The following NUP107 variants were observed in gnomAD, a reference collection of about 807,000 sequenced individuals.
NUP107 encodes nuclear pore complex protein Nup107.
In NUP107, 101 loss-of-function variants were observed where a neutral mutation model predicts 141.0. The observed-to-expected ratio is 0.72, with a 90% CI of 0.61 to 0.84. The LOEUF (loss-of-function observed/expected upper bound fraction) is 0.84, where lower values mean the gene tolerates loss of function less well. Ranked by LOEUF, NUP107 falls within the 40% of genes least tolerant of loss-of-function variation. The probability of loss-of-function intolerance (pLI) is 0.00; values close to 1 mark genes in which losing one functional copy is unlikely to be tolerated. For missense variants in NUP107, 941 were observed against 1,102.7 expected, an observed-to-expected ratio of 0.85 and a Z score of 2.08; for synonymous variants, 319 against 363.9, an observed-to-expected ratio of 0.88 and a Z score of 1.41.
chr12:68,700,671 C>A, intron 6 of NUP107, 55 bp from the exon 7 acceptor site: 5 of 1,303,642 alleles, frequency 3.8e-6, no homozygotes, highest in South Asian at 1.7e-5. Flanking sequence ...ACAAACTTAT[C>A]AGTGACTCAA....
chr12:68,731,420 T>C (rs1877822348), intron 21 of NUP107, among the ~76,000 whole-genome samples, 160 bp downstream of exon 21: 1 of 152,248 alleles, frequency 6.6e-6, no homozygotes, highest in Non-Finnish European at 1.5e-5. Context: ...AAGTTACTTA[T>C]GCTGTAACTC....
intron 23 of NUP107, 100 bp downstream of exon 23, chr12:68,732,839 C>A (rs1352046682): frequency 2.8e-6 from 2 of 701,910 alleles, no homozygotes; most frequent in Non-Finnish European, 4.5e-6. Context: ...ACCACCACAC[C>A]CACCTAATTT....
chr12:68,726,739 C>T (rs1464703427), intron 19 of NUP107, 122 bp downstream of exon 19: 1 of 704,982 alleles, frequency 1.4e-6, no homozygotes, highest in Non-Finnish European at 2.4e-6. Context: ...CAAAAGTCTT[C>T]CATATAGTCT....
intron 11 of NUP107, among the ~76,000 whole-genome samples, chr12:68,715,044 G>A (rs566960762): frequency 2.6e-5 from 4 of 152,312 alleles, no homozygotes; most frequent in African/African-American, 9.6e-5. Flanking sequence ...ACCTGGGCTG[G>A]GATAGGCTAG....
Position 68,738,909 on chromosome 12 carries a change from C to T in NUP107, c.2503-2904C>T, listed in dbSNP as rs116740364. ...AACTTTCTGATGCCTTCTTATTGCA[C>T]TTGGAATAAAATCTTTCTTTTCTTG... On this transcript the variant is annotated intron_variant, in intron 26 of 27. Transcript: ENST00000229179. Among the ~76,000 whole-genome samples, 608 of 152,240 alleles carry T rather than the reference C, an allele frequency of 4.0e-3. 3 individuals are homozygous for T. The highest frequency in any genetic ancestry group is 0.014 in the African/African-American group (574 of 41,522).
In NUP107 at chr12:68,719,661, T is replaced by C; in HGVS notation, c.1251+7T>C. On this transcript the variant is annotated splice_region_variant and intron_variant, in intron 14 of 27. Transcript: ENST00000229179. Reference sequence around the variant, plus strand: ...CTGGAGAATGGCAGAAGATGTAAGATAAATAAAATATTCAGTGATACTGTT... The same window carrying C: ...CTGGAGAATGGCAGAAGATGTAAGACAAATAAAATATTCAGTGATACTGTT... 2 of 1,578,792 alleles carry C rather than the reference T, an allele frequency of 1.3e-6. No individual in the cohort carries two copies. Among genetic ancestry groups the C allele is most frequent in the South Asian group, 2.2e-5 (2 of 90,268 alleles).
intron 12 of NUP107, among the ~76,000 whole-genome samples, chr12:68,718,820 G>A (rs534819700): frequency 3.3e-5 from 5 of 152,086 alleles, no homozygotes; most frequent in African/African-American, 9.6e-5. Flanking sequence ...AGAAAGGCAT[G>A]CATATGTTTT....
intron 20 of NUP107, among the ~76,000 whole-genome samples, chr12:68,729,317 G>T (rs60258904): frequency 6.6e-6 from 1 of 152,160 alleles, no homozygotes; most frequent in Admixed American, 6.5e-5. Flanking sequence ...GTCTGTAAAT[G>T]TGTGTACGTT....
intron 11 of NUP107, 102 bp from the exon 12 acceptor site, chr12:68,715,525 G>C: frequency 1.4e-6 from 1 of 699,962 alleles, no homozygotes; most frequent in Non-Finnish European, 2.5e-6. Context: ...GAATTTATTT[G>C]TGTATAAACT....
At chr12:68,700,287 C>T (rs1241031945) in intron 6 of NUP107, among the ~76,000 whole-genome samples, 1 of 152,134 alleles carries the variant, frequency 6.6e-6, no homozygotes, top group Non-Finnish European at 1.5e-5. Flanking sequence ...TTTTTGGTGC[C>T]AATCTTAGGA....
At chr12:68,726,368 A>G (rs1046779229) in intron 18 of NUP107, 131 bp from the exon 19 acceptor site, 5 of 631,144 alleles carry the variant, frequency 7.9e-6, no homozygotes, top group African/African-American at 7.4e-5. Context: ...GTGTAGAGTT[A>G]TATCATGGCT....
chr12:68,720,064 A>G (rs1877291329), intron 14 of NUP107, among the ~76,000 whole-genome samples: 1 of 152,212 alleles, frequency 6.6e-6, no homozygotes, highest in Non-Finnish European at 1.5e-5. Flanking sequence ...TAGAATGCTT[A>G]TAAAGGAAAT....
chr12:68,727,509 T>G, intron 20 of NUP107, 120 bp downstream of exon 20: 1 of 582,760 alleles, frequency 1.7e-6, no homozygotes, highest in Non-Finnish European at 3.1e-6. Context: ...AGAGATCTTT[T>G]AATTATCAGC....
intron 22 of NUP107, 22 bp downstream of exon 22, chr12:68,731,741 G>C (rs1490553241): frequency 7.9e-7 from 1 of 1,258,540 alleles, no homozygotes; most frequent in South Asian, 1.4e-5. Context: ...TGGGGGGGCA[G>C]AGGTTTCTAT....
chr12:68,696,799 T>TTC lies in NUP107; in HGVS notation c.449-19_449-18insCT. Reference sequence around the variant, plus strand: ...ACTTAACTTTTCTTTATTCCTTTTTTTTTTTTTGATGTGTTCTAGCATCCA... The same window carrying TTC: ...ACTTAACTTTTCTTTATTCCTTTTTTTCTTTTTTTGATGTGTTCTAGCATCCA... On this transcript the variant is annotated intron_variant, in intron 5 of 27. Transcript: ENST00000229179. 7.3e-7 allele frequency: 1 copy of TTC among 1,369,076 alleles called. No individual in the cohort carries two copies. The highest frequency in any genetic ancestry group is 1.0e-6 in the Non-Finnish European group (1 of 1,001,048). 84.8% of individuals were successfully genotyped at this position (1,369,076 alleles called of 1,614,324 possible).
chr12:68,742,295 T>C, intron 27 of NUP107, 60 bp from the exon 28 acceptor site: 3 of 1,092,938 alleles, frequency 2.7e-6, no homozygotes, highest in Admixed American at 1.9e-5. Flanking sequence ...ATTAGGTAAC[T>C]AAGTTCATAC....
intron 11 of NUP107, among the ~76,000 whole-genome samples, chr12:68,714,570 T>C (rs1336414264): frequency 6.6e-6 from 1 of 152,232 alleles, no homozygotes; most frequent in Non-Finnish European, 1.5e-5. Flanking sequence ...ATGTATTCCA[T>C]TTTCTGAATT....
chr12:68,719,598 GA>G lies in NUP107; in HGVS notation c.1197del (p.Asn401IlefsTer9). The G allele has an allele frequency of 6.2e-7, 1 of 1,613,132 alleles. No individual in the cohort carries two copies. The highest frequency in any genetic ancestry group is 8.5e-7 in the Non-Finnish European group (1 of 1,179,172). ...VNGGTELEPVEGNPYRRIWKI... is the reference protein window; with the variant it reads ...VNGGTELEPVXGNPYRRIWKI... ...TATAGGAACAGAATTAGAACCTGTT[GA>G]AGGGAATCCATATAGACGCATTTGG... is the stretch of plus-strand genomic sequence containing the variant. On this transcript the variant is annotated frameshift_variant, in exon 14 of 28. Coordinates refer to ENST00000229179, the MANE Select transcript of NUP107 (RefSeq NM_020401.4). LOFTEE classifies it high-confidence loss of function.
chr12:68,730,048 G>C (rs2136042699), intron 20 of NUP107, among the ~76,000 whole-genome samples: 2 of 151,632 alleles, frequency 1.3e-5, no homozygotes, highest in African/African-American at 4.8e-5. Context: ...TGTAACCTCA[G>C]ACTCCTGGGC....
Sources: gnomAD v4.1 joint callset for allele counts (sites outside exome capture counted in the v4.1 genomes callset) on GRCh38, gnomAD v4.1.1 for gene constraint, MANE v1.5 for transcripts, NCBI Gene and HGNC (gene_info 2026-07-23, HGNC 2026-07-21) for gene names.